Variants in RHOBTB2 observed in about 807,000 individuals in gnomAD.
RHOBTB2 encodes the protein Rho related BTB domain containing 2.
In RHOBTB2, 39 loss-of-function variants were observed where a neutral mutation model predicts 66.5. The observed-to-expected ratio is 0.59, with a 90% CI of 0.45 to 0.77. The LOEUF (loss-of-function observed/expected upper bound fraction) is 0.77. RHOBTB2 is among the 30% of genes least tolerant of loss of function. RHOBTB2 has a pLI of 0.00. For synonymous variants in RHOBTB2, 390 were observed against 395.0 expected, an observed-to-expected ratio of 0.99 and a Z score of 0.15; for missense variants, 755 against 999.1, an observed-to-expected ratio of 0.76 and a Z score of 3.29.
chr8:22,986,687 G>A (rs527604751), upstream of RHOBTB2, among the ~76,000 whole-genome samples: 1 of 152,142 alleles, frequency 6.6e-6, no homozygotes, highest in Non-Finnish European at 1.5e-5. Flanking sequence ...TGACATGGAG[G>A]CATGATCACC....
the RHOBTB2 span, among the ~76,000 whole-genome samples, chr8:22,960,345 G>T: frequency 4.0e-5 from 6 of 148,836 alleles, no homozygotes; most frequent in Admixed American, 3.4e-4. Flanking sequence ...TCCTGACAGA[G>T]TCTTGCTCTG....
chr8:23,005,364 G>A lies in RHOBTB2; in HGVS notation c.193-8G>A, dbSNP rs112093954. The stretch of plus-strand genomic sequence containing the variant: ...CCTTCGAGTCCCACTCTTCCTCCCC[G>A]TCCCCAGGTGCTGGAACGCTCCCGA... On this transcript the variant is annotated splice_polypyrimidine_tract_variant and splice_region_variant and intron_variant, in intron 2 of 9. Transcript: ENST00000251822. 0.019 allele frequency: 29,780 copies of A among 1,607,982 alleles called. 328 individuals are homozygous for A. Among genetic ancestry groups the A allele is most frequent in the Non-Finnish European group, 0.021 (24,927 of 1,174,834 alleles).
In RHOBTB2 at chr8:22,993,160, T is replaced by G. The variant is rs741462; in HGVS notation, c.-24+980T>G. ...ATTTATGGGATTTTTCTTTTTTTCT[T>G]TCTTTTTTTTTGAGGGGAGAATGTG... is the stretch of plus-strand genomic sequence containing the variant. On this transcript the variant is annotated intron_variant, in intron 2 of 11. Coordinates refer to the RHOBTB2 transcript ENST00000519685. Among the ~76,000 whole-genome samples the G allele has an allele frequency of 7.7e-3, 1,174 of 152,298 alleles. 3 individuals carry two copies. The highest frequency in any genetic ancestry group is 0.014 in the Non-Finnish European group (945 of 68,028).
chr8:22,957,638 G>A, the RHOBTB2 span, among the ~76,000 whole-genome samples: 52 of 152,296 alleles, frequency 3.4e-4, no homozygotes, highest in East Asian at 8.3e-3. Flanking sequence ...AGGAAAGGAC[G>A]GAGTTCATTT....
At chr8:22,986,085 T>C (rs567318214), upstream of RHOBTB2, among the ~76,000 whole-genome samples, 20 of 151,980 alleles carry the variant, frequency 1.3e-4, no homozygotes, top group African/African-American at 4.8e-4. Flanking sequence ...CCTCTGCCAG[T>C]GACTGCAGCG....
upstream of RHOBTB2, chr8:22,994,650 A>G (rs1426885186): frequency 6.5e-7 from 1 of 1,546,838 alleles, no homozygotes; most frequent in Admixed American, 2.0e-5. Flanking sequence ...GTGAGTAGCT[A>G]CTGTGTACTG....
At chr8:22,973,140 G>A in the RHOBTB2 span, among the ~76,000 whole-genome samples, 3 of 152,102 alleles carry the variant, frequency 2.0e-5, no homozygotes, top group Non-Finnish European at 4.4e-5. Flanking sequence ...GCCCCTCTAG[G>A]GGCTCTGACC....
chr8:23,006,194 A>G lies in RHOBTB2; in HGVS notation c.482+49A>G, dbSNP rs1810945479. ...GACAGACATGGATGGGTGCCTCACC[A>G]TGGCTCCCTGCTCAGCCCTGGGGGA... On this transcript the variant is annotated intron_variant, in intron 4 of 9. Transcript: ENST00000251822. The surrounding 1 kb of genome is among the most constrained non-coding windows in gnomAD (Gnocchi z 6.1). 3 of 1,508,754 alleles carry G rather than the reference A, an allele frequency of 2.0e-6. No individual in the cohort carries two copies. In the African/African-American group the frequency reaches 4.1e-5, roughly 21 times the overall value. The allele number at this position is 1,508,754 out of a possible 1,614,324, so 93.5% of individuals were successfully genotyped here. A position where few individuals can be genotyped will look rare whatever the true frequency, so the allele number is the denominator to read the frequency against.
Position 23,015,365 on chromosome 8 carries a change from A to C in RHOBTB2, c.1861-273A>C, listed in dbSNP as rs183280020. Reference sequence around the variant, plus strand: ...AGGAGGGCAGATGCAGTATGAAGCCACTACATAGGGCTCTGGTGTCTGCAG... The same window carrying C: ...AGGAGGGCAGATGCAGTATGAAGCCCCTACATAGGGCTCTGGTGTCTGCAG... On this transcript the variant is annotated intron_variant, in intron 8 of 9. Transcript: ENST00000251822. 3.8e-3 allele frequency among the ~76,000 whole-genome samples: 573 copies of C among 152,268 alleles called. 4 individuals carry two copies. Among genetic ancestry groups the C allele is most frequent in the African/African-American group, 0.013 (538 of 41,550 alleles).
rs1182114396 is a variant in RHOBTB2 at position 23,004,371 on chromosome 8, CCACGG to C, written c.-10-52_-10-48del. The C allele has an allele frequency of 1.3e-6, 2 of 1,507,836 alleles. No individual in the cohort carries two copies. Among genetic ancestry groups the C allele is most frequent in the African/African-American group, 2.8e-5 (2 of 72,678 alleles). 93.4% of individuals were successfully genotyped at this position (1,507,836 alleles called of 1,614,324 possible). ...GAGAGCTGCGGGTGCTGGCCCTGGC[CCACGG>C]CGAGCTGGCATGCCATGCCGTCCTG... On this transcript the variant is annotated intron_variant, in intron 1 of 9. Coordinates refer to ENST00000251822, the MANE Select transcript of RHOBTB2 (RefSeq NM_015178.3). The surrounding 1 kb of genome is among the most constrained non-coding windows in gnomAD (Gnocchi z 6.4).
At chr8:22,974,087 C>A in the RHOBTB2 span, among the ~76,000 whole-genome samples, 5 of 152,154 alleles carry the variant, frequency 3.3e-5, no homozygotes, top group African/African-American at 1.2e-4. Flanking sequence ...ACCTTGCTGT[C>A]CAGAACGGGC....
Position 23,006,154 on chromosome 8 carries a change from T to A in RHOBTB2, c.482+9T>A. On this transcript the variant is annotated intron_variant, in intron 4 of 9. Transcript: ENST00000251822. The surrounding 1 kb of genome is among the most constrained non-coding windows in gnomAD (Gnocchi z 6.1). ...AGGCGACCCTTGGCTAGGTAGGAGG[T>A]GCTGGTACCAAGGAGACAGACATGG... is the stretch of plus-strand genomic sequence containing the variant. 4 of 1,607,818 alleles carry A rather than the reference T, an allele frequency of 2.5e-6. No individual in the cohort carries two copies. Among genetic ancestry groups the A allele is most frequent in the Non-Finnish European group, 3.4e-6 (4 of 1,176,492 alleles).
At chr8:22,951,574 C>A in the RHOBTB2 span, among the ~76,000 whole-genome samples, 2 of 152,116 alleles carry the variant, frequency 1.3e-5, no homozygotes, top group African/African-American at 4.8e-5. Context: ...GGGGTTGGAT[C>A]TCACAAAATA....
At chr8:22,964,190 G>A in the RHOBTB2 span, among the ~76,000 whole-genome samples, 1 of 151,918 alleles carries the variant, frequency 6.6e-6, no homozygotes, top group African/African-American at 2.4e-5. Flanking sequence ...GGAAAGACCC[G>A]CCACCATAAT....
intron 7 of RHOBTB2, among the ~76,000 whole-genome samples, chr8:23,011,551 C>T (rs1238630636): frequency 1.3e-5 from 2 of 152,144 alleles, no homozygotes; most frequent in African/African-American, 4.8e-5. Context: ...TGGACAAATC[C>T]CAGGGGCTCT....
Position 23,006,240 on chromosome 8 carries a change from T to C in RHOBTB2, c.482+95T>C. 9.4e-7 allele frequency: 1 copy of C among 1,068,620 alleles called. No individual in the cohort carries two copies. Among genetic ancestry groups the C allele is most frequent in the African/African-American group, 1.6e-5 (1 of 63,352 alleles). 66.2% of individuals were successfully genotyped at this position (1,068,620 alleles called of 1,614,324 possible). A position where few individuals can be genotyped will look rare whatever the true frequency, so the allele number is the denominator to read the frequency against. Reference sequence around the variant, plus strand: ...GGGGAATTCCACTGAGCCTCATATCTCTCCCTCCATTTGGAGCAAGCTTGC... The same window carrying C: ...GGGGAATTCCACTGAGCCTCATATCCCTCCCTCCATTTGGAGCAAGCTTGC... On this transcript the variant is annotated intron_variant, in intron 4 of 9. Transcript: ENST00000251822. This position sits in a 1 kb window ranked among gnomAD's most constrained non-coding sequence, Gnocchi z 6.1.
At position 23,007,106 on chromosome 8, in the gene RHOBTB2, CTCT is replaced by C; in HGVS notation, c.864_866del (p.Ser290del). 1 of 1,610,910 alleles carries C rather than the reference CTCT, an allele frequency of 6.2e-7. No individual in the cohort carries two copies. Among genetic ancestry groups the C allele is most frequent in the Admixed American group, 1.7e-5 (1 of 59,994 alleles). On this transcript the variant is annotated inframe_deletion, in exon 5 of 10. Transcript: ENST00000251822. ...TTGCCCACAAGATCTACCTCTCCAC[CTCT>C]TCCTCCAAGTTCTATGACCTGTTCC... is the stretch of plus-strand genomic sequence containing the variant.
the RHOBTB2 span, among the ~76,000 whole-genome samples, chr8:22,966,441 A>G: frequency 6.6e-6 from 1 of 152,078 alleles, no homozygotes; most frequent in Non-Finnish European, 1.5e-5. Context: ...AAGGACTTGA[A>G]TAGACATTTT....
rs146244804 is a variant in RHOBTB2 at position 23,014,909 on chromosome 8, C to T, written c.1860+131C>T. 4.0e-4 allele frequency: 290 copies of T among 724,668 alleles called. No individual in the cohort carries two copies. The East Asian group carries it at 7.2e-3, about 18-fold the overall frequency. The allele number at this position is 724,668 out of a possible 1,614,324, so 44.9% of individuals were successfully genotyped here. On this transcript the variant is annotated intron_variant, in intron 8 of 9. Transcript: ENST00000251822. ...GTCATCGGACTGGGCTCTTTGACTG[C>T]GCGTAGCCCATCTCCTCCTCCATGC...
Sources: allele counts gnomAD v4.1 joint callset (sites outside exome capture counted in the v4.1 genomes callset), GRCh38; gene constraint gnomAD v4.1.1; non-coding constraint Gnocchi (gnomAD v3.1); transcripts MANE v1.5; gene names NCBI Gene and HGNC (gene_info 2026-07-23, HGNC 2026-07-21).